LRP6: variants seen among roughly 807,000 people sequenced by gnomAD.
LRP6 encodes LDL receptor related protein 6, also known as low-density lipoprotein receptor-related protein 6.
Under a neutral mutation model 184.1 loss-of-function variants are expected in LRP6, and 43 were observed. The observed-to-expected ratio is 0.23, with a 90% CI of 0.18 to 0.30. The LOEUF (loss-of-function observed/expected upper bound fraction) is 0.30. Among genes scored for constraint, LRP6 ranks in the 10% least tolerant of loss-of-function variants. The probability of loss-of-function intolerance (pLI) is 1.00; values close to 1 mark genes in which losing one functional copy is unlikely to be tolerated. For synonymous variants in LRP6, 719 were observed against 684.9 expected (o/e 1.05, Z -0.78); for missense variants, 1,571 against 2,005.3 (o/e 0.78, Z 4.14).
At chr12:12,245,904 G>A (rs1276697320) in intron 1 of LRP6, among the ~76,000 whole-genome samples, 1 of 151,488 alleles carries the variant, frequency 6.6e-6, no homozygotes, top group South Asian at 2.1e-4. Flanking sequence ...CCTCTCCACT[G>A]CATAACACAG....
At chr12:12,195,887 T>C (rs1451950376) in intron 3 of LRP6, among the ~76,000 whole-genome samples, 2 of 152,100 alleles carry the variant, frequency 1.3e-5, no homozygotes, top group Non-Finnish European at 2.9e-5. Flanking sequence ...GGTGGGTTTC[T>C]AGTTTCATTC....
intron 15 of LRP6, among the ~76,000 whole-genome samples, chr12:12,145,181 T>G (rs71457135): frequency 0.052 from 7,911 of 151,138 alleles, 287 homozygotes; most frequent in Middle Eastern, 0.18. Context: ...AAAAAAAAAT[T>G]AGAGGTGATA....
intron 7 of LRP6, among the ~76,000 whole-genome samples, chr12:12,175,310 G>A (rs1380677942): frequency 2.0e-5 from 3 of 151,650 alleles, no homozygotes. Flanking sequence ...TATCACTTGA[G>A]CTTGGGAGGC....
intron 16 of LRP6, among the ~76,000 whole-genome samples, chr12:12,137,471 T>C (rs1356795662): frequency 6.6e-6 from 1 of 152,162 alleles, no homozygotes; most frequent in Non-Finnish European, 1.5e-5. Context: ...GCTATTTTTC[T>C]AAGCTGGGAA....
chr12:12,197,061 T>G (rs1482861004), intron 3 of LRP6, among the ~76,000 whole-genome samples: 2 of 152,230 alleles, frequency 1.3e-5, no homozygotes, highest in African/African-American at 4.8e-5. Context: ...TTCTTGTATT[T>G]ACCAATGTTC....
At chr12:12,161,928 A>G (rs966861879) in intron 10 of LRP6, among the ~76,000 whole-genome samples, 5 of 132,908 alleles carry the variant, frequency 3.8e-5, no homozygotes, top group African/African-American at 1.1e-4. Flanking sequence ...TATACTTAAC[A>G]TATCAGTATA....
chr12:12,244,577 A>G lies in LRP6; in HGVS notation c.134T>C (p.Ile45Thr), dbSNP rs1333952465. The stretch of plus-strand genomic sequence containing the variant: ...TGCATCCTCCAAGCCTCCAACTACA[A>G]TCGTAGCATTCTCTTTGCCATTTGT... ...DATNGKENAT[I>T]VVGGLEDAAA... Residue 45 changes from isoleucine (I) to threonine (T), a missense_variant, in exon 2 of 23, where the codon ATT becomes ACT. Around this residue, in one of 4 missense-constraint regions of LRP6, gnomAD observed 640 missense variants for 851.9 expected, o/e 0.75. Transcript: ENST00000261349. The G allele has an allele frequency of 2.5e-6, 4 of 1,614,094 alleles. No homozygotes were observed. In the Admixed American group the frequency reaches 5.0e-5, roughly 20 times the overall value.
intron 2 of LRP6, among the ~76,000 whole-genome samples, chr12:12,242,177 CTT>C (rs746856917): frequency 4.7e-4 from 71 of 152,264 alleles, no homozygotes; most frequent in Non-Finnish European, 7.2e-4. Flanking sequence ...CATAACAGCT[CTT>C]GTGCCCCTTC....
intron 2 of LRP6, among the ~76,000 whole-genome samples, chr12:12,235,383 A>G (rs1035460718): frequency 6.6e-6 from 1 of 152,190 alleles, no homozygotes; most frequent in African/African-American, 2.4e-5. Flanking sequence ...GTGTCTACAT[A>G]CATCATATAT....
At chr12:12,150,809 T>C in intron 13 of LRP6, 27 bp downstream of exon 13, 7 of 1,611,508 alleles carry the variant, frequency 4.3e-6, no homozygotes, top group Non-Finnish European at 5.9e-6. Context: ...TCAGGAGAAA[T>C]GAATTTTGAA....
intron 1 of LRP6, among the ~76,000 whole-genome samples, chr12:12,248,271 T>C (rs566184823): frequency 3.3e-4 from 50 of 152,274 alleles, no homozygotes; most frequent in African/African-American, 1.2e-4. Flanking sequence ...TGTTTTGTTT[T>C]AATAACCCTA....
In LRP6 at chr12:12,266,901, G is replaced by A. The variant is rs1324855902; in HGVS notation, c.-166C>T. ...ACGTCAAGGTTCCGCGCGCGCCGCC[G>A]CCGCCCTCTCTACCGCGCCGCTCGG... is the stretch of plus-strand genomic sequence containing the variant. On this transcript the variant is annotated 5_prime_UTR_variant, in exon 1 of 23. Transcript: ENST00000261349. The A allele has an allele frequency of 3.0e-6, 2 of 672,642 alleles. No homozygotes were observed. The highest frequency in any genetic ancestry group is 5.3e-6 in the Non-Finnish European group (2 of 378,018). The allele number at this position is 672,642 out of a possible 1,614,324, so 41.7% of individuals were successfully genotyped here. A position where few individuals can be genotyped will look rare whatever the true frequency, so the allele number is the denominator to read the frequency against.
intron 3 of LRP6, among the ~76,000 whole-genome samples, chr12:12,193,668 C>T (rs550257765): frequency 2.6e-5 from 4 of 152,122 alleles, no homozygotes; most frequent in Admixed American, 1.3e-4. Flanking sequence ...AACCAAATTA[C>T]TAAAACTGAC....
chr12:12,252,918 G>A (rs1219213774), intron 1 of LRP6, among the ~76,000 whole-genome samples: 3 of 152,024 alleles, frequency 2.0e-5, no homozygotes, highest in African/African-American at 7.3e-5. Context: ...TCTCTGCAAT[G>A]AATATATTCA....
rs78651005 is a variant in LRP6 at position 12,245,766 on chromosome 12, T to C, written c.56-1111A>G. ...GCTGTTGGGAGTGAGGTAGTATAAA[T>C]TCCATGTTTTTTGGTTTTTATTAAA... On this transcript the variant is annotated intron_variant, in intron 1 of 22. Coordinates refer to ENST00000261349, the MANE Select transcript of LRP6 (RefSeq NM_002336.3). 8.3e-3 allele frequency among the ~76,000 whole-genome samples: 1,260 copies of C among 152,184 alleles called. 9 individuals are homozygous for C. Among genetic ancestry groups the C allele is most frequent in the African/African-American group, 0.029 (1,193 of 41,538 alleles).
At chr12:12,151,562 T>C (rs983277051) in intron 12 of LRP6, among the ~76,000 whole-genome samples, 5 of 152,146 alleles carry the variant, frequency 3.3e-5, no homozygotes, top group African/African-American at 1.2e-4. Context: ...AGGCCAAAGT[T>C]TACTCAGCGG....
chr12:12,206,372 CT>C (rs1244994245), intron 2 of LRP6, among the ~76,000 whole-genome samples: 1 of 151,674 alleles, frequency 6.6e-6, no homozygotes, highest in Non-Finnish European at 1.5e-5. Flanking sequence ...GAAACCCTGT[CT>C]CTATTAAAAA....
intron 2 of LRP6, among the ~76,000 whole-genome samples, chr12:12,217,823 G>A (rs1379278728): frequency 6.6e-6 from 1 of 152,156 alleles, no homozygotes; most frequent in Non-Finnish European, 1.5e-5. Flanking sequence ...GGGATAACTG[G>A]ATATCCACAT....
chr12:12,199,200 T>C (rs898555133), intron 3 of LRP6, among the ~76,000 whole-genome samples: 2 of 151,690 alleles, frequency 1.3e-5, no homozygotes, highest in African/African-American at 4.8e-5. Context: ...CCTTTGGCAC[T>C]AGGAATCACA....
Sources: allele counts gnomAD v4.1 joint callset (sites outside exome capture counted in the v4.1 genomes callset), GRCh38; gene constraint gnomAD v4.1.1; regional missense constraint gnomAD v4.1.1; transcripts MANE v1.5; gene names NCBI Gene and HGNC (gene_info 2026-07-23, HGNC 2026-07-21).